The following PPP2R3A variants were observed in gnomAD, a reference collection of about 807,000 sequenced individuals.
PPP2R3A encodes protein phosphatase 2 regulatory subunit B''alpha.
In PPP2R3A, 80 loss-of-function variants were observed where a neutral mutation model predicts 106.9. The observed-to-expected ratio is 0.75, with a 90% confidence interval of 0.62 to 0.90. The LOEUF (loss-of-function observed/expected upper bound fraction) is 0.90, where lower values mean the gene tolerates loss of function less well. PPP2R3A is among the 40% of genes least tolerant of loss of function. The pLI is 0.00. For missense variants in PPP2R3A, 1,386 were observed against 1,350.4 expected, an observed-to-expected ratio of 1.03 and a Z score of -0.41; for synonymous variants, 483 against 468.3, an observed-to-expected ratio of 1.03 and a Z score of -0.41.
intron 13 of PPP2R3A, among the ~76,000 whole-genome samples, chr3:136,144,081 C>G (rs1440628254): frequency 6.6e-6 from 1 of 152,168 alleles, no homozygotes. Flanking sequence ...TTTCAGGCAG[C>G]CACATCATTT....
At chr3:136,082,910 C>G (rs909644474) in intron 8 of PPP2R3A, among the ~76,000 whole-genome samples, 1 of 152,186 alleles carries the variant, frequency 6.6e-6, no homozygotes, top group African/African-American at 2.4e-5. Context: ...ATGAATTTTG[C>G]GTGCTTTCTT....
chr3:136,075,799 T>G (rs1936576645), intron 6 of PPP2R3A, among the ~76,000 whole-genome samples: 1 of 152,212 alleles, frequency 6.6e-6, no homozygotes, highest in African/African-American at 2.4e-5. Context: ...ACAAAAATCT[T>G]CAATAGAAAA....
intron 13 of PPP2R3A, among the ~76,000 whole-genome samples, chr3:136,115,771 T>G (rs1048301283): frequency 2.6e-5 from 4 of 151,998 alleles, no homozygotes; most frequent in Non-Finnish European, 4.4e-5. Context: ...TACGTTTGAT[T>G]GGTGAACCTG....
intron 13 of PPP2R3A, among the ~76,000 whole-genome samples, chr3:136,118,433 A>C (rs1008780786): frequency 1.3e-5 from 2 of 152,228 alleles, no homozygotes; most frequent in African/African-American, 4.8e-5. Context: ...GAGGAAGTCA[A>C]ATTGTCCCTG....
intron 1 of PPP2R3A, among the ~76,000 whole-genome samples, chr3:135,981,090 G>T (rs546433705): frequency 1.3e-5 from 2 of 152,064 alleles, no homozygotes; most frequent in East Asian, 3.9e-4. Flanking sequence ...CTGGGGATTT[G>T]GACATAAGCT....
At chr3:136,098,262 G>A (rs1228411730) in intron 10 of PPP2R3A, among the ~76,000 whole-genome samples, 1 of 152,204 alleles carries the variant, frequency 6.6e-6, no homozygotes, top group Non-Finnish European at 1.5e-5. Flanking sequence ...GCTGCAGTGA[G>A]CCATGATTGC....
chr3:136,043,671 A>G (rs1207819440), intron 4 of PPP2R3A, among the ~76,000 whole-genome samples: 1 of 152,222 alleles, frequency 6.6e-6, no homozygotes, highest in African/African-American at 2.4e-5. Flanking sequence ...TTGAGGTCCT[A>G]GAGTATCAGC....
chr3:136,087,674 T>C (rs1276275916), intron 8 of PPP2R3A: 1 of 456,490 alleles, frequency 2.2e-6, no homozygotes, highest in Non-Finnish European at 3.9e-6. Flanking sequence ...ACTATATTAA[T>C]ACTTCCCAGA....
Position 136,144,344 on chromosome 3 carries a change from AT to A in PPP2R3A, c.3330-698del, listed in dbSNP as rs570448705. The stretch of plus-strand genomic sequence containing the variant: ...TGCTTGGAAGCCACGGAGGGAAGCT[AT>A]AAAGCAATCTGAGAGTTGAGAAAGT... On this transcript the variant is annotated intron_variant, in intron 13 of 13. Transcript: ENST00000264977. Among the ~76,000 whole-genome samples the A allele has an allele frequency of 3.3e-4, 50 of 152,322 alleles. No homozygotes were observed. The South Asian group carries it at 0.01, about 31-fold the overall frequency.
At chr3:136,081,034 C>G (rs1936764702) in intron 7 of PPP2R3A, among the ~76,000 whole-genome samples, 1 of 151,936 alleles carries the variant, frequency 6.6e-6, no homozygotes, top group Admixed American at 6.6e-5. Context: ...TGCCCTGTCG[C>G]CCAGGTTGGA....
At chr3:136,114,642 C>A (rs537081961) in intron 13 of PPP2R3A, among the ~76,000 whole-genome samples, 1 of 152,146 alleles carries the variant, frequency 6.6e-6, no homozygotes, top group African/African-American at 2.4e-5. Flanking sequence ...TGTGGTTTTA[C>A]CCTCACAGTG....
chr3:135,976,599 C>G (rs1937428807), intron 1 of PPP2R3A, among the ~76,000 whole-genome samples: 1 of 152,146 alleles, frequency 6.6e-6, no homozygotes, highest in African/African-American at 2.4e-5. Context: ...TAAATAAACT[C>G]TACATACTCA....
chr3:136,011,252 G>C (rs1303922026), intron 2 of PPP2R3A, among the ~76,000 whole-genome samples: 1 of 151,260 alleles, frequency 6.6e-6, no homozygotes, highest in African/African-American at 2.4e-5. Context: ...ATCACCCCCT[G>C]ATATATTATT....
chr3:136,119,710 C>T (rs1442747549), intron 13 of PPP2R3A, among the ~76,000 whole-genome samples: 1 of 152,184 alleles, frequency 6.6e-6, no homozygotes, highest in African/African-American at 2.4e-5. Flanking sequence ...CAGGAAACAA[C>T]AGATGCTGGA....
intron 5 of PPP2R3A, among the ~76,000 whole-genome samples, chr3:136,050,971 TAG>T (rs1046132748): frequency 5.9e-5 from 9 of 152,150 alleles, no homozygotes; most frequent in African/African-American, 1.7e-4. Context: ...GTTAAGGTTT[TAG>T]AGAGAGAGAG....
At chr3:136,136,085 TATATATATAA>T (rs1938613659) in intron 13 of PPP2R3A, among the ~76,000 whole-genome samples, 1 of 120,390 alleles carries the variant, frequency 8.3e-6, no homozygotes, top group Non-Finnish European at 1.7e-5. Context: ...TATATATATA[TATATATATAA>T]AAAACATCAT....
At chr3:136,138,452 T>C (rs1380534168) in intron 13 of PPP2R3A, among the ~76,000 whole-genome samples, 1 of 152,200 alleles carries the variant, frequency 6.6e-6, no homozygotes, top group Non-Finnish European at 1.5e-5. Flanking sequence ...TGAAATCTAC[T>C]TCCTGGGACA....
At chr3:136,144,963 A>G in intron 13 of PPP2R3A, 80 bp from the exon 14 acceptor site, 1 of 1,494,832 alleles carries the variant, frequency 6.7e-7, no homozygotes, top group Non-Finnish European at 9.0e-7. Context: ...GCTGGTCTTG[A>G]GGCTCGGATT....
chr3:135,982,412 A>C, intron 1 of PPP2R3A, among the ~76,000 whole-genome samples: 1 of 152,104 alleles, frequency 6.6e-6, no homozygotes, highest in East Asian at 1.9e-4. Context: ...GAACTTTGGA[A>C]GTGTCTCAGG....
Sources: allele counts gnomAD v4.1 joint callset (sites outside exome capture counted in the v4.1 genomes callset), GRCh38; gene constraint gnomAD v4.1.1; transcripts MANE v1.5; gene names NCBI Gene and HGNC (gene_info 2026-07-23, HGNC 2026-07-21).